The following ASAP1 variants were observed in gnomAD, a reference collection of about 807,000 sequenced individuals.
The protein encoded by ASAP1 is ArfGAP with SH3 domain, ankyrin repeat and PH domain 1.
Under a neutral mutation model 145.2 loss-of-function variants are expected in ASAP1, and 43 were observed. The ratio of observed to expected loss-of-function variants is 0.30; its 90% CI spans 0.23 to 0.38. The LOEUF is 0.38. Ranked by LOEUF, ASAP1 falls within the 10% of genes least tolerant of loss-of-function variation. ASAP1 has a pLI of 1.00. For synonymous variants in ASAP1, 546 were observed against 515.5 expected, an observed-to-expected ratio of 1.06 and a Z score of -0.80; for missense variants, 1,018 against 1,355.3, an observed-to-expected ratio of 0.75 and a Z score of 3.91.
At chr8:130,078,195 G>A (rs540083789) in intron 26 of ASAP1, among the ~76,000 whole-genome samples, 1 of 152,198 alleles carries the variant, frequency 6.6e-6, no homozygotes, top group African/African-American at 2.4e-5. Context: ...TCACCATGTT[G>A]GCCAGGCTGG....
chr8:130,383,571 C>T (rs185090053), intron 2 of ASAP1, among the ~76,000 whole-genome samples: 34 of 152,230 alleles, frequency 2.2e-4, no homozygotes, highest in African/African-American at 4.6e-4. Context: ...ACTGCAGTGG[C>T]GTGTGGGATC....
At chr8:130,226,071 C>T (rs1281683048) in intron 4 of ASAP1, among the ~76,000 whole-genome samples, 1 of 150,114 alleles carries the variant, frequency 6.7e-6, no homozygotes, top group Non-Finnish European at 1.5e-5. Flanking sequence ...AGAGATGGGG[C>T]CCTACTATGC....
intron 2 of ASAP1, among the ~76,000 whole-genome samples, chr8:130,367,824 T>C (rs1278998448): frequency 2.0e-5 from 3 of 152,218 alleles, no homozygotes; most frequent in African/African-American, 7.2e-5. Flanking sequence ...TGTCACAGTA[T>C]TCTCTTGTTG....
chr8:130,294,375 T>C lies in ASAP1; in HGVS notation c.187-57381A>G, dbSNP rs1822130356. The stretch of plus-strand genomic sequence containing the variant: ...GTACAGTCACCTCCTCTGTATCCCA[T>C]AAAGCCCAGCCTTCACTCTGGCCAT... On this transcript the variant is annotated intron_variant, in intron 3 of 29. Coordinates refer to ENST00000518721, the MANE Select transcript of ASAP1 (RefSeq NM_018482.4). Among the ~76,000 whole-genome samples, 3 of 152,306 alleles carry C rather than the reference T, an allele frequency of 2.0e-5. No individual in the cohort carries two copies. In the South Asian group the frequency reaches 6.2e-4, roughly 32 times the overall value.
At chr8:130,183,573 C>T (rs1056899924) in intron 7 of ASAP1, among the ~76,000 whole-genome samples, 1 of 152,074 alleles carries the variant, frequency 6.6e-6, no homozygotes, top group East Asian at 1.9e-4. Flanking sequence ...AACTTTCGAC[C>T]TCAAGCGATT....
chr8:130,359,597 GGGC>G (rs1476886260), intron 2 of ASAP1, among the ~76,000 whole-genome samples: 1 of 151,590 alleles, frequency 6.6e-6, no homozygotes, highest in African/African-American at 2.4e-5. Context: ...CCCCGGGATT[GGGC>G]TTCTGCCATC....
intron 28 of ASAP1, 40 bp downstream of exon 28, chr8:130,060,539 G>A (rs775865786): frequency 1.5e-5 from 23 of 1,553,046 alleles, no homozygotes; most frequent in Middle Eastern, 3.7e-4. Context: ...TGCAAAGTGC[G>A]GAATAGGGTT....
intron 3 of ASAP1, among the ~76,000 whole-genome samples, chr8:130,300,180 A>AGC (rs796087046): frequency 0.087 from 12,288 of 141,822 alleles, 699 homozygotes; most frequent in South Asian, 0.22. Context: ...AGAGAGAGAG[A>AGC]GAGAGAGCGA....
At chr8:130,252,749 C>A (rs1819278217) in intron 3 of ASAP1, among the ~76,000 whole-genome samples, 1 of 152,106 alleles carries the variant, frequency 6.6e-6, no homozygotes, top group African/African-American at 2.4e-5. Flanking sequence ...CAATTTCAGT[C>A]CCATTCTTGG....
intron 2 of ASAP1, among the ~76,000 whole-genome samples, chr8:130,370,755 T>G (rs1827174849): frequency 6.6e-6 from 1 of 152,192 alleles, no homozygotes; most frequent in African/African-American, 2.4e-5. Flanking sequence ...TGCTACAACA[T>G]GGATGAAACT....
intron 14 of ASAP1, among the ~76,000 whole-genome samples, chr8:130,136,368 C>T (rs766530747): frequency 6.6e-6 from 1 of 152,112 alleles, no homozygotes; most frequent in Non-Finnish European, 1.5e-5. Context: ...TGACAGGGTG[C>T]AGTGCCATCA....
chr8:130,203,653 C>T (rs993636278), intron 5 of ASAP1, among the ~76,000 whole-genome samples: 3 of 152,052 alleles, frequency 2.0e-5, no homozygotes, highest in Non-Finnish European at 4.4e-5. Context: ...AATGGGAAAT[C>T]AAGGAATAGT....
At chr8:130,343,312 C>G (rs935208641) in intron 3 of ASAP1, among the ~76,000 whole-genome samples, 2 of 152,184 alleles carry the variant, frequency 1.3e-5, no homozygotes, top group Non-Finnish European at 2.9e-5. Flanking sequence ...TCACCACCCC[C>G]TAACACTGAG....
intron 3 of ASAP1, among the ~76,000 whole-genome samples, chr8:130,237,484 C>T (rs116298145): frequency 1.3e-5 from 2 of 151,106 alleles, no homozygotes; most frequent in African/African-American, 2.4e-5. Context: ...TTAAGTTTTG[C>T]GATTTCTTTT....
intron 2 of ASAP1, among the ~76,000 whole-genome samples, chr8:130,359,665 G>A (rs538300756): frequency 1.1e-4 from 16 of 146,994 alleles, no homozygotes; most frequent in Non-Finnish European, 2.1e-4. Flanking sequence ...CGCCCAGGCC[G>A]GACTGCGGAC....
At chr8:130,268,258 G>C (rs1176773613) in intron 3 of ASAP1, among the ~76,000 whole-genome samples, 2 of 152,128 alleles carry the variant, frequency 1.3e-5, no homozygotes, top group African/African-American at 2.4e-5. Context: ...GACTGAGGCA[G>C]GTAGAGCACT....
At chr8:130,146,619 AAAG>A (rs1432441847) in intron 13 of ASAP1, among the ~76,000 whole-genome samples, 1 of 152,206 alleles carries the variant, frequency 6.6e-6, no homozygotes, top group Non-Finnish European at 1.5e-5. Flanking sequence ...CATTAATAGC[AAAG>A]AAGAGAGCAA....
rs529441570 is a variant in ASAP1 at position 130,053,217 on chromosome 8, T to C, written c.*1514A>G. ...CTTCTGTGAAATTAACATCTCTCACTCATTGCCAAGATTCTCTGCTTAAAA... is the reference window on the plus strand; with the variant it reads ...CTTCTGTGAAATTAACATCTCTCACCCATTGCCAAGATTCTCTGCTTAAAA... On this transcript the variant is annotated 3_prime_UTR_variant, in exon 30 of 30. Coordinates refer to ENST00000518721, the MANE Select transcript of ASAP1 (RefSeq NM_018482.4). 1 of 152,316 alleles carries C rather than the reference T, an allele frequency of 6.6e-6. No homozygotes were observed. Among genetic ancestry groups the C allele is most frequent in the Admixed American group, 6.5e-5 (1 of 15,296 alleles). The allele number at this position is 152,316 out of a possible 1,614,324, so 9.4% of individuals were successfully genotyped here.
At chr8:130,102,427 T>G (rs979675116) in intron 24 of ASAP1, among the ~76,000 whole-genome samples, 3 of 152,230 alleles carry the variant, frequency 2.0e-5, no homozygotes, top group African/African-American at 7.2e-5. Flanking sequence ...TGAAACATCC[T>G]TGCATCCCTG....
Sources: gnomAD v4.1 joint callset for allele counts (sites outside exome capture counted in the v4.1 genomes callset) on GRCh38, gnomAD v4.1.1 for gene constraint, MANE v1.5 for transcripts, NCBI Gene and HGNC (gene_info 2026-07-23, HGNC 2026-07-21) for gene names.